The following CLMN variants were observed in gnomAD, a reference collection of about 807,000 sequenced individuals.
CLMN encodes calmin.
In CLMN, 57 loss-of-function variants were observed where a neutral mutation model predicts 92.7. That is an observed-to-expected ratio of 0.61 (90% CI 0.50 to 0.77). The LOEUF (loss-of-function observed/expected upper bound fraction) is 0.77. Ranked by LOEUF, CLMN falls within the 30% of genes least tolerant of loss-of-function variation. The pLI, the probability that CLMN is intolerant of heterozygous loss-of-function variation, is 0.00. For missense variants in CLMN, 1,158 were observed against 1,237.5 expected (o/e 0.94, Z 0.96); for synonymous variants, 466 against 470.6 (o/e 0.99, Z 0.13).
At chr14:95,319,323 A>T in intron 1 of CLMN, among the ~76,000 whole-genome samples, 2 of 151,574 alleles carry the variant, frequency 1.3e-5, no homozygotes, top group African/African-American at 2.4e-5. Flanking sequence ...ACACACACAC[A>T]CACACACACA....
chr14:95,242,629 A>T (rs141873817), intron 1 of CLMN, among the ~76,000 whole-genome samples: 2,562 of 147,082 alleles, frequency 0.017, 69 homozygotes, highest in African/African-American at 0.048. Flanking sequence ...CAGTGACATG[A>T]TCTCGGCTCA....
In CLMN at chr14:95,182,662, C is replaced by G. The variant is rs1896355272; in HGVS notation, c.*8902G>C. 1 of 152,154 alleles carries G rather than the reference C, an allele frequency of 6.6e-6. No homozygotes were observed. The highest frequency in any genetic ancestry group is 6.5e-5 in the Admixed American group (1 of 15,274). The allele number at this position is 152,154 out of a possible 1,614,324, so 9.4% of individuals were successfully genotyped here. ...GATCCTTGTTGGAATGCAAACGGCT[C>G]CGATTCTGAGTAGAATTTCAGAAGC... On this transcript the variant is annotated 3_prime_UTR_variant, in exon 13 of 13. Transcript: ENST00000298912.
rs777004544 is a variant in CLMN, at chr14:95,221,790, GAACAA to G, written c.241-21_241-17del. 16 of 1,612,668 alleles carry G rather than the reference GAACAA, an allele frequency of 9.9e-6. No homozygotes were observed. In the South Asian group the frequency reaches 1.5e-4, roughly 16 times the overall value. Reference sequence around the variant, plus strand: ...ATTCGTGCAGCTATAAAACAGAACAGAACAAAACAAGCACATTAAACCCGCACAGG... The same window carrying G: ...ATTCGTGCAGCTATAAAACAGAACAGAACAAGCACATTAAACCCGCACAGG... On this transcript the variant is annotated splice_polypyrimidine_tract_variant and intron_variant, in intron 3 of 12. Transcript: ENST00000298912.
chr14:95,314,750 G>A (rs1473604038), intron 1 of CLMN, among the ~76,000 whole-genome samples: 1 of 152,124 alleles, frequency 6.6e-6, no homozygotes, highest in African/African-American at 2.4e-5. Context: ...ACTAGAACAC[G>A]GCCTTTTGCC....
rs1172968782 is a variant in CLMN, at chr14:95,230,078, T to C, written c.138A>G (p.Leu46=). 2.5e-6 allele frequency: 4 copies of C among 1,614,196 alleles called. No individual in the cohort carries two copies. The highest frequency in any genetic ancestry group is 3.4e-6 in the Non-Finnish European group (4 of 1,179,996). ...RTFTRWINLH[L]EKCNPPLEVK... ...CACCCAAGTGCGCCATTACCTTTTCTAGATGTAGATTTATCCATCGTGTAA... is the reference window on the plus strand; with the variant it reads ...CACCCAAGTGCGCCATTACCTTTTCCAGATGTAGATTTATCCATCGTGTAA... Residue 46 remains leucine (L), a synonymous_variant, in exon 2 of 13, where the codon CTA becomes CTG. Transcript: ENST00000298912.
In CLMN at chr14:95,194,635, G is replaced by A. The variant is rs752964415; in HGVS notation, c.2709-39C>T. 6.2e-7 allele frequency: 1 copy of A among 1,601,474 alleles called. No homozygotes were observed. Among genetic ancestry groups the A allele is most frequent in the Non-Finnish European group, 8.6e-7 (1 of 1,168,440 alleles). On this transcript the variant is annotated intron_variant, in intron 10 of 12. Transcript: ENST00000298912. This position sits in a 1 kb window ranked among gnomAD's most constrained non-coding sequence, Gnocchi z 4.0. ...ACATGTTTTGAATTGGTACCACCTGGAGCTCTTCATGGCTCAGTTGTACGG... is the reference window on the plus strand; with the variant it reads ...ACATGTTTTGAATTGGTACCACCTGAAGCTCTTCATGGCTCAGTTGTACGG...
In CLMN at chr14:95,194,493, T is replaced by C. The variant is rs1896645283; in HGVS notation, c.2769+43A>G. The C allele has an allele frequency of 6.2e-7, 1 of 1,613,748 alleles. No homozygotes were observed. The highest frequency in any genetic ancestry group is 1.7e-5 in the Admixed American group (1 of 59,994). ...AGGAGGAAGGATGGAAAGGAATTGATTAGCAGGGGCCGTGCGGAAAGAGAA... is the reference window on the plus strand; with the variant it reads ...AGGAGGAAGGATGGAAAGGAATTGACTAGCAGGGGCCGTGCGGAAAGAGAA... On this transcript the variant is annotated intron_variant, in intron 11 of 12. Transcript: ENST00000298912. This position sits in a 1 kb window ranked among gnomAD's most constrained non-coding sequence, Gnocchi z 4.0.
At chr14:95,220,637 C>T (rs1897506028) in intron 4 of CLMN, among the ~76,000 whole-genome samples, 1 of 152,104 alleles carries the variant, frequency 6.6e-6, no homozygotes, top group African/African-American at 2.4e-5. Context: ...CCTAGAACTA[C>T]TGGGAGGGGA....
At chr14:95,224,265 T>TTTCA (rs1897640534) in intron 2 of CLMN, among the ~76,000 whole-genome samples, 1 of 151,550 alleles carries the variant, frequency 6.6e-6, no homozygotes. Context: ...AAGCCCTTCA[T>TTTCA]TTTATTTATT....
At position 95,204,038 on chromosome 14, in the gene CLMN, G is replaced by A. The variant is rs778694117; in HGVS notation, c.1311C>T (p.Phe437=). The A allele has an allele frequency of 2.7e-5, 43 of 1,614,082 alleles. No homozygotes were observed. The Admixed American group carries it at 6.0e-4, about 23-fold the overall frequency. Residue 437 remains phenylalanine (F), a synonymous_variant, in exon 9 of 13, where the codon TTC becomes TTT. Coordinates refer to ENST00000298912, the MANE Select transcript of CLMN (RefSeq NM_024734.4). ...AGCAAAGGGACAGGTTCTTACTGCA[G>A]AAAGGATCCTTGTAGGTGTCAGCCT... ...HFEADTYKDP[F]CSKNLSLCFE... is the part of the protein sequence containing the mutation.
intron 1 of CLMN, among the ~76,000 whole-genome samples, chr14:95,315,750 G>A (rs1260649979): frequency 6.6e-6 from 1 of 152,210 alleles, no homozygotes; most frequent in East Asian, 1.9e-4. Context: ...ACAGGGGATG[G>A]CCCAAAGCAG....
chr14:95,265,649 T>C (rs916092024), intron 1 of CLMN, among the ~76,000 whole-genome samples: 1 of 152,192 alleles, frequency 6.6e-6, no homozygotes, highest in Non-Finnish European at 1.5e-5. Flanking sequence ...TGCCCAACCA[T>C]ATCAATTTCT....
intron 1 of CLMN, among the ~76,000 whole-genome samples, chr14:95,303,250 G>A (rs570826388): frequency 1.3e-5 from 2 of 152,336 alleles, no homozygotes; most frequent in South Asian, 4.1e-4. Flanking sequence ...AACAATGCAT[G>A]TTCTACCAAA....
chr14:95,280,017 G>A (rs940965523), intron 1 of CLMN, among the ~76,000 whole-genome samples: 1 of 151,520 alleles, frequency 6.6e-6, no homozygotes, highest in African/African-American at 2.4e-5. Flanking sequence ...ATTATATTAA[G>A]TTAGATAGGC....
rs115431164 is a variant in CLMN, at chr14:95,251,474, C to T, written c.83-21341G>A. ...TAAATACAATTCTTTTGTTACAGAA[C>T]GAGGACGACCTAGCATCTGAATCAA... On this transcript the variant is annotated intron_variant, in intron 1 of 12. Coordinates refer to ENST00000298912, the MANE Select transcript of CLMN (RefSeq NM_024734.4). Among the ~76,000 whole-genome samples, 1,166 of 152,240 alleles carry T rather than the reference C, an allele frequency of 7.7e-3. 22 individuals carry two copies. Among genetic ancestry groups the T allele is most frequent in the African/African-American group, 0.027 (1,106 of 41,518 alleles).
chr14:95,215,815 CTGTGTGTG>C (rs57063101), intron 4 of CLMN, 82 bp from the exon 5 acceptor site: 48,436 of 563,102 alleles, frequency 0.086, 853 homozygotes, highest in Middle Eastern at 0.11. Context: ...CTCTCTCTCT[CTGTGTGTG>C]TGTGTGTGTG....
At chr14:95,210,338 C>T (rs1252834543) in intron 7 of CLMN, among the ~76,000 whole-genome samples, 5 of 152,132 alleles carry the variant, frequency 3.3e-5, no homozygotes, top group African/African-American at 1.2e-4. Flanking sequence ...AGGCGTGAGC[C>T]ACCACGCCCA....
At chr14:95,245,261 AT>A (rs1898495226) in intron 1 of CLMN, among the ~76,000 whole-genome samples, 1 of 42,422 alleles carries the variant, frequency 2.4e-5, no homozygotes, top group Non-Finnish European at 3.8e-5. Context: ...TATAATATAT[AT>A]ATATATATTA....
chr14:95,220,092 A>G (rs1362413353), intron 4 of CLMN, among the ~76,000 whole-genome samples: 1 of 148,220 alleles, frequency 6.7e-6, no homozygotes, highest in Non-Finnish European at 1.5e-5. Flanking sequence ...CTCACTTAGC[A>G]TGTTGTCAAG....
Sources: allele counts gnomAD v4.1 joint callset (sites outside exome capture counted in the v4.1 genomes callset), GRCh38; gene constraint gnomAD v4.1.1; non-coding constraint Gnocchi (gnomAD v3.1); transcripts MANE v1.5; gene names NCBI Gene and HGNC (gene_info 2026-07-23, HGNC 2026-07-21).